The following MAN1C1 variants were observed in gnomAD, a reference collection of about 807,000 sequenced individuals.
The protein encoded by MAN1C1 is mannosyl-oligosaccharide 1,2-alpha-mannosidase IC.
In MAN1C1, 49 loss-of-function variants were observed where a neutral mutation model predicts 71.5. The ratio of observed to expected loss-of-function variants is 0.69; its 90% CI spans 0.54 to 0.87. The LOEUF is 0.87. Among genes scored for constraint, MAN1C1 ranks in the 40% least tolerant of loss-of-function variants. The pLI is 0.00. For missense variants in MAN1C1, 743 were observed against 835.0 expected, an observed-to-expected ratio of 0.89 and a Z score of 1.36; for synonymous variants, 352 against 343.7, an observed-to-expected ratio of 1.02 and a Z score of -0.27.
At chr1:25,667,182 C>T (rs1389417560) in intron 1 of MAN1C1, among the ~76,000 whole-genome samples, 1 of 151,994 alleles carries the variant, frequency 6.6e-6, no homozygotes, top group African/African-American at 2.4e-5. Context: ...TTAATTTTGG[C>T]CATTTAAACA....
At chr1:25,690,860 G>A (rs1175312824) in intron 2 of MAN1C1, among the ~76,000 whole-genome samples, 1 of 152,218 alleles carries the variant, frequency 6.6e-6, no homozygotes, top group African/African-American at 2.4e-5. Flanking sequence ...TCACAGAGGT[G>A]AATTTGCAGC....
intron 2 of MAN1C1, among the ~76,000 whole-genome samples, chr1:25,718,146 C>T (rs2046709034): frequency 6.6e-6 from 1 of 152,176 alleles, no homozygotes; most frequent in South Asian, 2.1e-4. Flanking sequence ...TGATTTCCTT[C>T]CCTTTCCTAA....
At chr1:25,771,374 G>A (rs965508720) in intron 7 of MAN1C1, among the ~76,000 whole-genome samples, 1 of 152,252 alleles carries the variant, frequency 6.6e-6, no homozygotes, top group African/African-American at 2.4e-5. Context: ...CAGAGGCCCT[G>A]CCGTCCCCAG....
intron 1 of MAN1C1, among the ~76,000 whole-genome samples, chr1:25,635,477 T>G (rs2045445330): frequency 6.7e-6 from 1 of 149,362 alleles, no homozygotes; most frequent in African/African-American, 2.5e-5. Context: ...TGAGACAGAG[T>G]CTCACTCTGT....
Position 25,782,795 on chromosome 1 carries a change from C to T in MAN1C1, c.1766+95C>T, listed in dbSNP as rs962047719. 89 of 959,622 alleles carry T rather than the reference C, an allele frequency of 9.3e-5. No homozygotes were observed. In the East Asian group the frequency reaches 2.2e-3, roughly 23 times the overall value. The allele number at this position is 959,622 out of a possible 1,614,324, so 59.4% of individuals were successfully genotyped here. A position where few individuals can be genotyped will look rare whatever the true frequency, so the allele number is the denominator to read the frequency against. The stretch of plus-strand genomic sequence containing the variant: ...CCTCCACAGTCAGGTTCTGTGGTCA[C>T]AGGACGGGAGCCCAAAAGGGGTGAA... On this transcript the variant is annotated intron_variant, in intron 11 of 11. Transcript: ENST00000374332. The surrounding 1 kb of genome is among the most constrained non-coding windows in gnomAD (Gnocchi z 4.4).
intron 1 of MAN1C1, among the ~76,000 whole-genome samples, chr1:25,619,860 G>A (rs901480275): frequency 6.6e-6 from 1 of 152,158 alleles, no homozygotes; most frequent in African/African-American, 2.4e-5. Flanking sequence ...CCTCCCAGTA[G>A]GGCAGTGACC....
chr1:25,644,029 T>C (rs928523605), intron 1 of MAN1C1, among the ~76,000 whole-genome samples: 26 of 152,200 alleles, frequency 1.7e-4, no homozygotes. Flanking sequence ...TTCAGGGCCT[T>C]ACTTTGTTCT....
At chr1:25,642,213 A>G (rs2045547356) in intron 1 of MAN1C1, among the ~76,000 whole-genome samples, 3 of 152,172 alleles carry the variant, frequency 2.0e-5, no homozygotes. Context: ...TCATTAGCTA[A>G]GCAGCCTTGC....
chr1:25,743,105 G>A (rs2047083060), intron 2 of MAN1C1, among the ~76,000 whole-genome samples: 1 of 152,192 alleles, frequency 6.6e-6, no homozygotes, highest in Non-Finnish European at 1.5e-5. Flanking sequence ...CCAGTGCCCT[G>A]GTCCAGTGGT....
chr1:25,684,121 G>T (rs1285507367), intron 1 of MAN1C1, among the ~76,000 whole-genome samples: 1 of 151,454 alleles, frequency 6.6e-6, no homozygotes, highest in South Asian at 2.1e-4. Flanking sequence ...GTGGCCCCCC[G>T]CTTAGACCTC....
At chr1:25,665,854 G>GTTT (rs2045915931) in intron 1 of MAN1C1, among the ~76,000 whole-genome samples, 4 of 101,732 alleles carry the variant, frequency 3.9e-5, no homozygotes, top group African/African-American at 1.5e-4. Flanking sequence ...CTTGGCATTG[G>GTTT]CTTTTTTTTT....
chr1:25,689,998 C>T (rs1032383729), intron 2 of MAN1C1, among the ~76,000 whole-genome samples: 2 of 152,176 alleles, frequency 1.3e-5, no homozygotes, highest in African/African-American at 4.8e-5. Context: ...CAGTCGGATG[C>T]CCAAGCCTGG....
intron 4 of MAN1C1, among the ~76,000 whole-genome samples, chr1:25,751,105 T>A (rs1572194392): frequency 6.6e-6 from 1 of 151,204 alleles, no homozygotes; most frequent in African/African-American, 2.5e-5. Flanking sequence ...CCTTCCTTCC[T>A]TCCATCCATC....
rs1217092791 is a variant in MAN1C1 at position 25,771,769 on chromosome 1, G to A, written c.1254G>A (p.Leu418=). The A allele has an allele frequency of 1.2e-6, 2 of 1,611,108 alleles. No individual in the cohort carries two copies. The highest frequency in any genetic ancestry group is 3.3e-5 in the Admixed American group (2 of 60,004). ...MEAKNMYYEA[L]EAIETYLLNV... is the part of the protein sequence containing the mutation. ...CTAAAAATATGTACTACGAAGCCTT[G>A]GAGGTAAGACAAGCCCTGGATTATT... The change falls in exon 8 of 12, where the codon TTG becomes TTA. Residue 418 remains leucine, a synonymous_variant. Transcript: ENST00000374332.
At chr1:25,670,183 T>C (rs955737984) in intron 1 of MAN1C1, among the ~76,000 whole-genome samples, 1 of 152,188 alleles carries the variant, frequency 6.6e-6, no homozygotes, top group African/African-American at 2.4e-5. Context: ...CCAAATCCCC[T>C]TGTGGATGCA....
intron 2 of MAN1C1, among the ~76,000 whole-genome samples, chr1:25,729,162 C>T (rs1369752840): frequency 6.6e-6 from 1 of 152,336 alleles, no homozygotes; most frequent in Admixed American, 6.5e-5. Flanking sequence ...ATGGCTCCAG[C>T]TGACTGGCCA....
rs570685216 is a variant in MAN1C1 at position 25,784,079 on chromosome 1, C to T, written c.*290C>T. The T allele has an allele frequency of 2.3e-4, 70 of 309,810 alleles. No homozygotes were observed. Among genetic ancestry groups the T allele is most frequent in the Middle Eastern group, 1.8e-3 (2 of 1,140 alleles). The allele number at this position is 309,810 out of a possible 1,614,324, so 19.2% of individuals were successfully genotyped here. On this transcript the variant is annotated 3_prime_UTR_variant, in exon 12 of 12. Coordinates refer to ENST00000374332, the MANE Select transcript of MAN1C1 (RefSeq NM_020379.4). ...CCAAAGGACCGGAGGTTTGCATATC[C>T]GCCCCTTGTATTTGATTTGCTTCCT...
intron 2 of MAN1C1, among the ~76,000 whole-genome samples, chr1:25,714,675 A>G (rs151288038): frequency 1.2e-4 from 18 of 152,314 alleles, no homozygotes; most frequent in Admixed American, 5.2e-4. Context: ...CTGTGTTTTT[A>G]TAGGGGAATT....
intron 1 of MAN1C1, among the ~76,000 whole-genome samples, chr1:25,620,179 G>GAGGA (rs771210881): frequency 4.6e-5 from 7 of 152,190 alleles, no homozygotes; most frequent in Non-Finnish European, 1.0e-4. Flanking sequence ...GAAGAGGGGT[G>GAGGA]AGGATTCTGT....
Sources: gnomAD v4.1 joint callset for allele counts (sites outside exome capture counted in the v4.1 genomes callset) on GRCh38, gnomAD v4.1.1 for gene constraint, Gnocchi (gnomAD v3.1) non-coding constraint, MANE v1.5 for transcripts, NCBI Gene and HGNC (gene_info 2026-07-23, HGNC 2026-07-21) for gene names.